Variants in SRSF11 observed in about 807,000 individuals in gnomAD.
SRSF11 encodes the protein serine/arginine-rich splicing factor 11.
Under a neutral mutation model 56.0 loss-of-function variants are expected in SRSF11, and 9 were observed. The ratio of observed to expected loss-of-function variants is 0.16; its 90% CI spans 0.10 to 0.28. The LOEUF is 0.28. Among genes scored for constraint, SRSF11 ranks in the 10% least tolerant of loss-of-function variants. The pLI is 1.00. For synonymous variants in SRSF11, 222 were observed against 215.3 expected, an observed-to-expected ratio of 1.03 and a Z score of -0.27; for missense variants, 421 against 600.7, an observed-to-expected ratio of 0.70 and a Z score of 3.13.
upstream of SRSF11, chr1:70,205,720 G>T: frequency 1.9e-6 from 1 of 539,770 alleles, no homozygotes; most frequent in Non-Finnish European, 3.1e-6. Context: ...CTGGGCTGGA[G>T]GACAGAGAAG....
In SRSF11 at chr1:70,250,993, A is replaced by T; in HGVS notation, c.*188A>T. 1 of 543,752 alleles carries T rather than the reference A, an allele frequency of 1.8e-6. No homozygotes were observed. The highest frequency in any genetic ancestry group is 3.2e-6 in the Non-Finnish European group (1 of 308,716). 33.7% of individuals were successfully genotyped at this position (543,752 alleles called of 1,614,324 possible). A position where few individuals can be genotyped will look rare whatever the true frequency, so the allele number is the denominator to read the frequency against. ...AGCTTTTAGAAAATGGTACGAGGTAACCAATTCTTGTCATGGTGAAATCTG... is the reference window on the plus strand; with the variant it reads ...AGCTTTTAGAAAATGGTACGAGGTATCCAATTCTTGTCATGGTGAAATCTG... On this transcript the variant is annotated 3_prime_UTR_variant, in exon 12 of 12. Coordinates refer to ENST00000370949, the MANE Select transcript of SRSF11 (RefSeq NM_001350605.2).
intron 1 of SRSF11, among the ~76,000 whole-genome samples, chr1:70,211,381 T>C (rs1669548868): frequency 6.6e-6 from 1 of 152,114 alleles, no homozygotes; most frequent in Admixed American, 6.5e-5. Context: ...TTTCATTTAC[T>C]TTAAAAAGGG....
chr1:70,225,943 T>C (rs759528598), intron 1 of SRSF11, among the ~76,000 whole-genome samples: 4 of 152,082 alleles, frequency 2.6e-5, no homozygotes, highest in Non-Finnish European at 4.4e-5. Context: ...TAAGATAAAT[T>C]TTATTAGGAG....
At chr1:70,229,447 A>G (rs921206080) in intron 2 of SRSF11, 5 of 985,366 alleles carry the variant, frequency 5.1e-6, no homozygotes, top group Middle Eastern at 5.2e-4. Flanking sequence ...GTGACAAGAA[A>G]TTTTAATACC....
In SRSF11 at chr1:70,250,059, A is replaced by G. The variant is rs768857933; in HGVS notation, c.1118+12A>G. On this transcript the variant is annotated intron_variant, in intron 10 of 11. Transcript: ENST00000370949. The stretch of plus-strand genomic sequence containing the variant: ...CCATCCCCTAGGAGGTAAGAATGTT[A>G]ATCATTTAAATGTATTTTTTATATT... 2 of 1,588,944 alleles carry G rather than the reference A, an allele frequency of 1.3e-6. No individual in the cohort carries two copies. The highest frequency in any genetic ancestry group is 2.7e-5 in the African/African-American group (2 of 74,034).
At chr1:70,247,910 A>C (rs891200910) in intron 9 of SRSF11, among the ~76,000 whole-genome samples, 1 of 152,140 alleles carries the variant, frequency 6.6e-6, no homozygotes, top group East Asian at 1.9e-4. Context: ...AGTACATAAA[A>C]TCTGTTCAAC....
chr1:70,233,531 C>T (rs759139154), intron 3 of SRSF11, among the ~76,000 whole-genome samples: 3 of 152,182 alleles, frequency 2.0e-5, no homozygotes, highest in Non-Finnish European at 2.9e-5. Context: ...TGAGCCACCG[C>T]GCCCAGTCCA....
At chr1:70,230,325 A>T in intron 2 of SRSF11, 1 of 1,043,182 alleles carries the variant, frequency 9.6e-7, no homozygotes, top group Non-Finnish European at 1.2e-6. Context: ...ACCTCCAGTA[A>T]ATACAATTCC....
chr1:70,239,986 ATAT>A (rs1179272866), intron 7 of SRSF11, among the ~76,000 whole-genome samples: 2 of 152,228 alleles, frequency 1.3e-5, no homozygotes, highest in Non-Finnish European at 2.9e-5. Flanking sequence ...TATTTTCCTT[ATAT>A]AATAGACTTC....
At chr1:70,216,242 C>T (rs1225697840) in intron 1 of SRSF11, among the ~76,000 whole-genome samples, 2 of 152,018 alleles carry the variant, frequency 1.3e-5, no homozygotes, top group Non-Finnish European at 2.9e-5. Context: ...TATTATTTGA[C>T]ATGCTTTCCT....
At chr1:70,244,642 T>G in intron 7 of SRSF11, 42 bp from the exon 8 acceptor site, 1 of 1,579,542 alleles carries the variant, frequency 6.3e-7, no homozygotes, top group Non-Finnish European at 8.6e-7. Context: ...TATAGTCTTT[T>G]TACATTTATA....
At chr1:70,217,605 GT>G (rs1017437432), upstream of SRSF11, among the ~76,000 whole-genome samples, 9 of 152,118 alleles carry the variant, frequency 5.9e-5, no homozygotes, top group African/African-American at 2.2e-4. Context: ...AAATTTGTGA[GT>G]TTTTTGACTG....
intron 6 of SRSF11, among the ~76,000 whole-genome samples, chr1:70,237,928 A>G (rs766059443): frequency 6.6e-6 from 1 of 152,200 alleles, no homozygotes; most frequent in Non-Finnish European, 1.5e-5. Flanking sequence ...TTCATTGATC[A>G]AGAGAACCTA....
upstream of SRSF11, among the ~76,000 whole-genome samples, chr1:70,218,318 T>TTTG (rs913058360): frequency 6.6e-6 from 1 of 152,216 alleles, no homozygotes; most frequent in East Asian, 1.9e-4. Context: ...TCAGTAATTT[T>TTTG]TTGTTGTTGT....
At chr1:70,232,941 A>G (rs1485763973) in intron 3 of SRSF11, among the ~76,000 whole-genome samples, 1 of 152,202 alleles carries the variant, frequency 6.6e-6, no homozygotes, top group Non-Finnish European at 1.5e-5. Flanking sequence ...GTGTATTCTA[A>G]TTACTGAGAT....
chr1:70,227,547 T>G (rs1672058790), intron 1 of SRSF11, among the ~76,000 whole-genome samples: 2 of 152,224 alleles, frequency 1.3e-5, no homozygotes. Flanking sequence ...TGTTTATTTC[T>G]GCCTTAGGGC....
At chr1:70,246,532 T>C (rs1010089768) in intron 8 of SRSF11, among the ~76,000 whole-genome samples, 8 of 152,108 alleles carry the variant, frequency 5.3e-5, no homozygotes, top group East Asian at 1.9e-4. Flanking sequence ...AGTTAACTTA[T>C]TGGTGTTTAC....
intron 10 of SRSF11, 142 bp from the exon 11 acceptor site, chr1:70,250,223 C>G (rs1677689449): frequency 7.2e-7 from 1 of 1,390,886 alleles, no homozygotes; most frequent in East Asian, 2.3e-5. Flanking sequence ...GTCCTATAAA[C>G]AAGTTAGTTT....
rs758211552 is a variant in SRSF11 at position 70,232,360 on chromosome 1, C to T, written c.430C>T (p.Pro144Ser). ...GCCTGGTGGTGGACTCCTGCCTACT[C>T]CTAACCCACTTACCCAGGTACTAGT... Reference protein sequence around the residue: ...LLPGGGLLPTPNPLTQIGAVP... With the variant: ...LLPGGGLLPTSNPLTQIGAVP... The change falls in exon 3 of 12, where the codon CCT becomes TCT. Residue 144 changes from proline (P) to serine (S), a missense_variant. Physicochemically the swap from Pro to Ser is moderately conservative, Grantham distance 74. This residue lies in a region of SRSF11 where 168 missense variants were observed against 294.9 expected (regional missense o/e 0.57). Transcript: ENST00000370949. The T allele has an allele frequency of 6.2e-7, 1 of 1,613,558 alleles. No individual in the cohort carries two copies.
Sources: allele counts gnomAD v4.1 joint callset (sites outside exome capture counted in the v4.1 genomes callset), GRCh38; gene constraint gnomAD v4.1.1; regional missense constraint gnomAD v4.1.1; transcripts MANE v1.5; gene names NCBI Gene and HGNC (gene_info 2026-07-23, HGNC 2026-07-21).